PPAT: variants seen among roughly 807,000 people sequenced by gnomAD.
PPAT encodes phosphoribosyl pyrophosphate amidotransferase.
In PPAT, 20 loss-of-function variants were observed where a neutral mutation model predicts 60.2. That is an observed-to-expected ratio of 0.33 (90% CI 0.23 to 0.48). The LOEUF is 0.48. Among genes scored for constraint, PPAT ranks in the 20% least tolerant of loss-of-function variants. PPAT has a pLI of 0.99. For missense variants in PPAT, 349 were observed against 629.6 expected, an observed-to-expected ratio of 0.55 and a Z score of 4.77; for synonymous variants, 194 against 215.1, an observed-to-expected ratio of 0.90 and a Z score of 0.86.
intron 1 of PPAT, among the ~76,000 whole-genome samples, chr4:56,429,781 C>A (rs1312675948): frequency 3.9e-5 from 6 of 152,234 alleles, no homozygotes; most frequent in Admixed American, 3.9e-4. Flanking sequence ...GCCTCCCAGT[C>A]ATTAATCATC....
At chr4:56,413,845 C>CAAG (rs1367496395) in intron 1 of PPAT, among the ~76,000 whole-genome samples, 2 of 151,956 alleles carry the variant, frequency 1.3e-5, no homozygotes, top group Admixed American at 6.6e-5. Context: ...TGCAGTGAGC[C>CAAG]AAGATCACAC....
In PPAT at chr4:56,395,139, A is replaced by C. The variant is rs1055677783; in HGVS notation, c.*213T>G. ...AGCCAATGCTTGTGTAAAAAAAAGA[A>C]CACCACATATTGTTGTATTATATGC... On this transcript the variant is annotated 3_prime_UTR_variant, in exon 11 of 11. Coordinates refer to ENST00000264220, the MANE Select transcript of PPAT (RefSeq NM_002703.5). 1.1e-5 allele frequency: 5 copies of C among 463,522 alleles called. No homozygotes were observed. Among genetic ancestry groups the C allele is most frequent in the South Asian group, 6.8e-5 (2 of 29,286 alleles). 28.7% of individuals were successfully genotyped at this position (463,522 alleles called of 1,614,324 possible).
At chr4:56,397,188 T>G (rs1234741062) in intron 9 of PPAT, among the ~76,000 whole-genome samples, 1 of 152,216 alleles carries the variant, frequency 6.6e-6, no homozygotes, top group Admixed American at 6.5e-5. Flanking sequence ...TTTTCCCATT[T>G]TTGCTACGCA....
At position 56,435,462 on chromosome 4, in the gene PPAT, A is replaced by G; in HGVS notation, c.16T>C (p.Leu6=). ...ACGCCACATTCCTCTCGGATCCCCA[A>G]CTCCTCCAGCTCCATGTCGCCGCCG... MELEE[L]GIREECGVFG... The change falls in exon 1 of 11, where the codon TTG becomes CTG. Residue 6 remains leucine (L), a synonymous_variant. Coordinates refer to ENST00000264220, the MANE Select transcript of PPAT (RefSeq NM_002703.5). 6.2e-7 allele frequency: 1 copy of G among 1,613,232 alleles called. No homozygotes were observed. Among genetic ancestry groups the G allele is most frequent in the South Asian group, 1.1e-5 (1 of 91,028 alleles).
At position 56,403,200 on chromosome 4, in the gene PPAT, A is replaced by T. The variant is rs1716161818; in HGVS notation, c.516-15T>A. On this transcript the variant is annotated splice_polypyrimidine_tract_variant and intron_variant, in intron 4 of 10. Transcript: ENST00000264220. ...AGTTTTTAATCCTGGAATTAATTAA[A>T]TAATTGAATGAATAACTTCAGTTAT... 6.4e-7 allele frequency: 1 copy of T among 1,556,164 alleles called. No individual in the cohort carries two copies. Among genetic ancestry groups the T allele is most frequent in the Admixed American group, 1.7e-5 (1 of 57,288 alleles).
At position 56,402,243 on chromosome 4, in the gene PPAT, G is replaced by C. The variant is rs1442013593; in HGVS notation, c.662-62C>G. On this transcript the variant is annotated intron_variant, in intron 5 of 10. Transcript: ENST00000264220. Reference sequence around the variant, plus strand: ...GAAATTTTAAGAGGCTATTTCAATGGAACAGCTAACACTAAATAAATAAGT... The same window carrying C: ...GAAATTTTAAGAGGCTATTTCAATGCAACAGCTAACACTAAATAAATAAGT... 5 of 1,241,552 alleles carry C rather than the reference G, an allele frequency of 4.0e-6. No individual in the cohort carries two copies. The African/African-American group carries it at 4.5e-5, about 11-fold the overall frequency. 76.9% of individuals were successfully genotyped at this position (1,241,552 alleles called of 1,614,324 possible).
chr4:56,423,517 G>A (rs1476532379), intron 1 of PPAT: 2 of 151,872 alleles, frequency 1.3e-5, no homozygotes, highest in African/African-American at 4.8e-5. Context: ...TGTTTAATAA[G>A]GAAAAAAGAT....
chr4:56,412,304 A>G (rs1276579250), intron 1 of PPAT, among the ~76,000 whole-genome samples: 1 of 147,308 alleles, frequency 6.8e-6, no homozygotes, highest in Non-Finnish European at 1.5e-5. Context: ...CTATTCTCCC[A>G]TCACCTTTTT....
intron 9 of PPAT, among the ~76,000 whole-genome samples, chr4:56,397,217 G>A: frequency 6.6e-6 from 1 of 151,894 alleles, no homozygotes; most frequent in East Asian, 1.9e-4. Flanking sequence ...AGTATTTAAT[G>A]GCTGCATCAT....
intron 1 of PPAT, chr4:56,419,728 G>A: frequency 2.0e-6 from 2 of 981,656 alleles, no homozygotes; most frequent in Non-Finnish European, 2.4e-6. Context: ...ATAGACATCT[G>A]GTCTGATAAA....
At chr4:56,421,051 A>C (rs570821089) in intron 1 of PPAT, 38 of 152,346 alleles carry the variant, frequency 2.5e-4, no homozygotes, top group African/African-American at 8.7e-4. Context: ...GCCAAGCTTC[A>C]TCTGTATTTA....
chr4:56,396,414 T>C lies in PPAT; in HGVS notation c.1357+205A>G, dbSNP rs576790641. 3.7e-5 allele frequency: 15 copies of C among 401,260 alleles called. No individual in the cohort carries two copies. The East Asian group carries it at 3.8e-4, about 10-fold the overall frequency. 24.9% of individuals were successfully genotyped at this position (401,260 alleles called of 1,614,324 possible). On this transcript the variant is annotated intron_variant, in intron 10 of 10. Transcript: ENST00000264220. The surrounding 1 kb of genome is among the most constrained non-coding windows in gnomAD (Gnocchi z 4.6). The stretch of plus-strand genomic sequence containing the variant: ...CACCTCTTCCTTCTCTGATCTCACC[T>C]TGGCTTAGCTCTCCAACACAAGACT...
At chr4:56,434,726 G>A (rs527505353) in intron 1 of PPAT, among the ~76,000 whole-genome samples, 1 of 151,906 alleles carries the variant, frequency 6.6e-6, no homozygotes, top group Non-Finnish European at 1.5e-5. Flanking sequence ...CCTATGGTTG[G>A]CTTATTTCCA....
chr4:56,433,196 C>G (rs1247349573), intron 1 of PPAT, among the ~76,000 whole-genome samples: 1 of 151,528 alleles, frequency 6.6e-6, no homozygotes, highest in Non-Finnish European at 1.5e-5. Context: ...GGGTGAGAAC[C>G]AGCCCTCTTT....
chr4:56,417,135 C>T (rs1192115623), intron 1 of PPAT, among the ~76,000 whole-genome samples: 1 of 152,192 alleles, frequency 6.6e-6, no homozygotes, highest in East Asian at 1.9e-4. Flanking sequence ...AGGCGTGAGC[C>T]ACTGCACCCG....
chr4:56,416,433 A>C (rs1397807572), intron 1 of PPAT: 1 of 679,006 alleles, frequency 1.5e-6, no homozygotes, highest in Non-Finnish European at 1.8e-6. Context: ...AGACCAATGG[A>C]ACTAGGTATA....
intron 4 of PPAT, 48 bp from the exon 5 acceptor site, chr4:56,403,233 T>C (rs1189564397): frequency 3.8e-6 from 6 of 1,598,642 alleles, no homozygotes; most frequent in African/African-American, 2.7e-5. Flanking sequence ...TATAAACATA[T>C]GCAAGGCAAA....
At chr4:56,407,507 A>G in intron 2 of PPAT, 143 bp downstream of exon 2, 2 of 589,078 alleles carry the variant, frequency 3.4e-6, no homozygotes, top group East Asian at 3.0e-5. Context: ...TAGTAGAGAC[A>G]GGGTTTCTCC....
At chr4:56,419,677 A>G (rs766373325) in intron 1 of PPAT, 46 of 983,856 alleles carry the variant, frequency 4.7e-5, no homozygotes, top group Non-Finnish European at 5.6e-5. Flanking sequence ...GTAGCAAATG[A>G]AGGAGGAAAG....
Sources: gnomAD v4.1 joint callset for allele counts (sites outside exome capture counted in the v4.1 genomes callset) on GRCh38, gnomAD v4.1.1 for gene constraint, Gnocchi (gnomAD v3.1) non-coding constraint, MANE v1.5 for transcripts, NCBI Gene and HGNC (gene_info 2026-07-23, HGNC 2026-07-21) for gene names.